KLHL5: variants seen among roughly 807,000 people sequenced by gnomAD.
The protein encoded by KLHL5 is kelch-like protein 5.
In KLHL5, 48 loss-of-function variants were observed where a neutral mutation model predicts 77.7. The observed-to-expected ratio is 0.62, with a 90% CI of 0.49 to 0.79. KLHL5 has a LOEUF of 0.79. KLHL5 is among the 30% of genes least tolerant of loss of function. KLHL5 has a pLI of 0.00. For missense variants in KLHL5, 723 were observed against 859.7 expected, an observed-to-expected ratio of 0.84 and a Z score of 1.99; for synonymous variants, 260 against 297.0, an observed-to-expected ratio of 0.88 and a Z score of 1.28.
intron 5 of KLHL5, among the ~76,000 whole-genome samples, chr4:39,089,964 C>G (rs1454752859): frequency 6.6e-6 from 1 of 152,114 alleles, no homozygotes; most frequent in Non-Finnish European, 1.5e-5. Context: ...AGTGATAATA[C>G]TGTGCTGCAG....
chr4:39,070,102 A>C (rs1718332823), intron 1 of KLHL5, among the ~76,000 whole-genome samples: 1 of 152,152 alleles, frequency 6.6e-6, no homozygotes, highest in Admixed American at 6.5e-5. Context: ...GTGATCAAAC[A>C]TCATGAAATT....
upstream of KLHL5, chr4:39,044,947 G>A: frequency 1.1e-6 from 1 of 923,132 alleles, no homozygotes; most frequent in Non-Finnish European, 1.2e-6. Flanking sequence ...GGCCGGCGCC[G>A]GGGATGAGGC....
intron 8 of KLHL5, 161 bp from the exon 9 acceptor site, chr4:39,112,859 A>G (rs547969412): frequency 1.6e-6 from 1 of 627,986 alleles, no homozygotes; most frequent in Non-Finnish European, 2.8e-6. Flanking sequence ...TACATGTGTC[A>G]TTTCAAACAT....
In KLHL5 at chr4:39,121,299, A is replaced by T. The variant is rs1277753666; in HGVS notation, c.*233A>T. On this transcript the variant is annotated 3_prime_UTR_variant, in exon 11 of 11. Transcript: ENST00000504108. The stretch of plus-strand genomic sequence containing the variant: ...TGCAGCTGGTGGATTGTGATCACAC[A>T]TTCCCGAAGTAATAAGTGAGGACGA... 6 of 542,174 alleles carry T rather than the reference A, an allele frequency of 1.1e-5. No homozygotes were observed. The highest frequency in any genetic ancestry group is 2.0e-5 in the Non-Finnish European group (6 of 303,286). 33.6% of individuals were successfully genotyped at this position (542,174 alleles called of 1,614,324 possible).
At chr4:39,075,192 G>A (rs995830712) in intron 1 of KLHL5, among the ~76,000 whole-genome samples, 1 of 152,054 alleles carries the variant, frequency 6.6e-6, no homozygotes, top group African/African-American at 2.4e-5. Context: ...GTAGCTGGGC[G>A]TGGTGGTGCA....
rs1425352556 is a variant in KLHL5 at position 39,125,517 on chromosome 4, A to C, written c.*4451A>C. Among the ~76,000 whole-genome samples the C allele has an allele frequency of 6.6e-6, 1 of 152,240 alleles. No individual in the cohort carries two copies. Among genetic ancestry groups the C allele is most frequent in the African/African-American group, 2.4e-5 (1 of 41,470 alleles). ...GGCACAATAGAATATTCAGCCATAAAGAGAAATGAGGGACTGATACATGCT... is the reference window on the plus strand; with the variant it reads ...GGCACAATAGAATATTCAGCCATAACGAGAAATGAGGGACTGATACATGCT... On this transcript the variant is annotated 3_prime_UTR_variant, in exon 11 of 11. Coordinates refer to ENST00000504108, the MANE Select transcript of KLHL5 (RefSeq NM_015990.5).
At chr4:39,094,025 A>G (rs941913733) in intron 5 of KLHL5, among the ~76,000 whole-genome samples, 3 of 152,272 alleles carry the variant, frequency 2.0e-5, no homozygotes, top group Middle Eastern at 6.8e-3. Flanking sequence ...ATCAATTCAA[A>G]CCAGAAACAA....
At chr4:39,088,709 G>T (rs78866276) in intron 5 of KLHL5, among the ~76,000 whole-genome samples, 1,537 of 152,220 alleles carry the variant, frequency 0.01, 24 homozygotes, top group African/African-American at 0.035. Context: ...CAAAAAGAGG[G>T]GGTTTTGACG....
intron 10 of KLHL5, among the ~76,000 whole-genome samples, chr4:39,118,558 C>G (rs1323967159): frequency 1.3e-5 from 2 of 152,288 alleles, no homozygotes; most frequent in African/African-American, 4.8e-5. Context: ...GAGTTCATGG[C>G]CAGCTTGGCC....
At chr4:39,057,422 G>T (rs1338309840), upstream of KLHL5, among the ~76,000 whole-genome samples, 1 of 152,050 alleles carries the variant, frequency 6.6e-6, no homozygotes, top group East Asian at 1.9e-4. Context: ...AGAATATCTG[G>T]TATATTTCTA....
intron 1 of KLHL5, among the ~76,000 whole-genome samples, chr4:39,064,283 T>A (rs371770248): frequency 2.7e-5 from 4 of 149,352 alleles, no homozygotes; most frequent in African/African-American, 9.8e-5. Flanking sequence ...AAATTTTTTT[T>A]AATTAGTTCA....
At chr4:39,103,637 C>A in intron 7 of KLHL5, 126 bp downstream of exon 7, 1 of 714,168 alleles carries the variant, frequency 1.4e-6, no homozygotes, top group Non-Finnish European at 2.4e-6. Context: ...GCATTCCTCA[C>A]ATGCTGCAAT....
At chr4:39,065,081 A>G (rs199920371) in intron 1 of KLHL5, among the ~76,000 whole-genome samples, 18 of 152,290 alleles carry the variant, frequency 1.2e-4, no homozygotes, top group East Asian at 3.9e-4. Context: ...TGAAATTTCA[A>G]TCTTCTTATT....
intron 1 of KLHL5, among the ~76,000 whole-genome samples, chr4:39,067,606 TCTC>T (rs1718010912): frequency 6.6e-6 from 1 of 152,070 alleles, no homozygotes; most frequent in African/African-American, 2.4e-5. Flanking sequence ...TTAATTCTCT[TCTC>T]TTAGTTCTTG....
chr4:39,142,508 C>T, the KLHL5 span, among the ~76,000 whole-genome samples: 3 of 152,036 alleles, frequency 2.0e-5, no homozygotes, highest in African/African-American at 7.2e-5. Context: ...TGGAGAAGCA[C>T]CCAGCTGTTC....
At chr4:39,142,844 A>G in the KLHL5 span, among the ~76,000 whole-genome samples, 4 of 152,124 alleles carry the variant, frequency 2.6e-5, no homozygotes, top group South Asian at 2.1e-4. Context: ...CTATTTATGT[A>G]ACATCCAAAA....
At chr4:39,047,720 C>G (rs1716304553) in intron 1 of KLHL5, among the ~76,000 whole-genome samples, 2 of 152,202 alleles carry the variant, frequency 1.3e-5, no homozygotes, top group Admixed American at 6.5e-5. Context: ...TAGGCATAGG[C>G]AAGTTGAAGT....
At position 39,121,848 on chromosome 4, in the gene KLHL5, A is replaced by G. The variant is rs1723229240; in HGVS notation, c.*782A>G. On this transcript the variant is annotated 3_prime_UTR_variant, in exon 11 of 11. Coordinates refer to ENST00000504108, the MANE Select transcript of KLHL5 (RefSeq NM_015990.5). Reference sequence around the variant, plus strand: ...TATATACCCTATAATCTTTCACCTAATTAGTATTTAATTATATGGATTTGT... The same window carrying G: ...TATATACCCTATAATCTTTCACCTAGTTAGTATTTAATTATATGGATTTGT... 1 of 152,560 alleles carries G rather than the reference A, an allele frequency of 6.6e-6. No individual in the cohort carries two copies. Among genetic ancestry groups the G allele is most frequent in the African/African-American group, 2.4e-5 (1 of 41,440 alleles). The allele number at this position is 152,560 out of a possible 1,614,324, so 9.5% of individuals were successfully genotyped here. A position where few individuals can be genotyped will look rare whatever the true frequency, so the allele number is the denominator to read the frequency against.
rs1219656584 is a variant in KLHL5 at position 39,121,231 on chromosome 4, T to C, written c.*165T>C. 1.6e-6 allele frequency: 1 copy of C among 619,308 alleles called. No individual in the cohort carries two copies. The highest frequency in any genetic ancestry group is 1.8e-5 in the African/African-American group (1 of 54,372). 38.4% of individuals were successfully genotyped at this position (619,308 alleles called of 1,614,324 possible). A position where few individuals can be genotyped will look rare whatever the true frequency, so the allele number is the denominator to read the frequency against. ...GTAAAACAAGGGAGGAAGCAGTGGA[T>C]GGACCAGGATTAATTCCTTTCATTT... On this transcript the variant is annotated 3_prime_UTR_variant, in exon 11 of 11. Coordinates refer to ENST00000504108, the MANE Select transcript of KLHL5 (RefSeq NM_015990.5).
Sources: gnomAD v4.1 joint callset for allele counts (sites outside exome capture counted in the v4.1 genomes callset) on GRCh38, gnomAD v4.1.1 for gene constraint, MANE v1.5 for transcripts, NCBI Gene and HGNC (gene_info 2026-07-23, HGNC 2026-07-21) for gene names.